DLGAP1: variants seen among roughly 807,000 people sequenced by gnomAD.
DLGAP1 encodes the protein DLG associated protein 1.
A neutral mutation model predicts 90.8 loss-of-function variants in DLGAP1; 11 were observed. That is an observed-to-expected ratio of 0.12 (90% confidence interval 0.08 to 0.20). DLGAP1 has a LOEUF of 0.20. DLGAP1 is among the 10% of genes least tolerant of loss of function. The pLI is 1.00. For synonymous variants in DLGAP1, 558 were observed against 540.7 expected, an observed-to-expected ratio of 1.03 and a Z score of -0.44; for missense variants, 1,050 against 1,333.8, an observed-to-expected ratio of 0.79 and a Z score of 3.31.
At chr18:4,171,193 T>C (rs2144585937) in intron 1 of DLGAP1, among the ~76,000 whole-genome samples, 1 of 152,274 alleles carries the variant, frequency 6.6e-6, no homozygotes, top group South Asian at 2.1e-4. Flanking sequence ...CAATGTTAAA[T>C]GGTGGTTTCT....
At chr18:4,271,951 G>GA (rs1477458181) in intron 1 of DLGAP1, among the ~76,000 whole-genome samples, 1 of 152,138 alleles carries the variant, frequency 6.6e-6, no homozygotes, top group East Asian at 1.9e-4. Context: ...GAGAACACAG[G>GA]AATGGCTCTT....
At chr18:4,020,860 A>T (rs1386848451) in intron 2 of DLGAP1, among the ~76,000 whole-genome samples, 1 of 152,196 alleles carries the variant, frequency 6.6e-6, no homozygotes, top group Non-Finnish European at 1.5e-5. Flanking sequence ...GCTCCTGGGA[A>T]TAACATTACT....
intron 3 of DLGAP1, chr18:3,995,432 T>G (rs1380127031): frequency 2.6e-5 from 4 of 152,192 alleles, no homozygotes; most frequent in African/African-American, 9.7e-5. Flanking sequence ...CTTTTGTATC[T>G]TCTTCGGGAC....
intron 1 of DLGAP1, among the ~76,000 whole-genome samples, chr18:4,258,877 T>C (rs757179073): frequency 5.9e-5 from 9 of 152,058 alleles, no homozygotes; most frequent in Non-Finnish European, 1.0e-4. Context: ...TGTGGAACAA[T>C]AGGAACCAAG....
intron 4 of DLGAP1, among the ~76,000 whole-genome samples, chr18:3,867,814 C>CAAAGTACATGTTTTT (rs1477233304): frequency 6.6e-6 from 1 of 151,976 alleles, no homozygotes; most frequent in Non-Finnish European, 1.5e-5. Flanking sequence ...GTGTGAAAGT[C>CAAAGTACATGTTTTT]AAAGTACATG....
At chr18:4,313,059 A>G (rs559672527) in intron 1 of DLGAP1, among the ~76,000 whole-genome samples, 1 of 152,314 alleles carries the variant, frequency 6.6e-6, no homozygotes, top group South Asian at 2.1e-4. Flanking sequence ...CTCTCCTAAA[A>G]AATTATGCTT....
chr18:4,080,967 C>A (rs1456000252), intron 2 of DLGAP1, among the ~76,000 whole-genome samples: 1 of 151,452 alleles, frequency 6.6e-6, no homozygotes, highest in African/African-American at 2.4e-5. Flanking sequence ...TGGCTCACTG[C>A]AACCTCCGCC....
At chr18:4,197,209 G>GAAAAAAAAAGA (rs2077517682) in intron 1 of DLGAP1, among the ~76,000 whole-genome samples, 94 of 107,656 alleles carry the variant, frequency 8.7e-4, no homozygotes, top group Middle Eastern at 0.011. Context: ...AAAAAAAAAA[G>GAAAAAAAAAGA]AAAAAAAAAG....
At chr18:3,555,586 G>A (rs993778028) in intron 9 of DLGAP1, among the ~76,000 whole-genome samples, 8 of 152,134 alleles carry the variant, frequency 5.3e-5, no homozygotes, top group African/African-American at 1.7e-4. Context: ...CGAGGCGGGC[G>A]GATCATCTGA....
At chr18:4,096,259 A>G (rs1029339729) in intron 2 of DLGAP1, among the ~76,000 whole-genome samples, 6 of 152,136 alleles carry the variant, frequency 3.9e-5, no homozygotes, top group African/African-American at 1.4e-4. Flanking sequence ...TCCTGGCTTC[A>G]AGTGATCCTC....
At chr18:4,171,458 G>C (rs933722458) in intron 1 of DLGAP1, among the ~76,000 whole-genome samples, 3 of 151,908 alleles carry the variant, frequency 2.0e-5, no homozygotes, top group Non-Finnish European at 4.4e-5. Flanking sequence ...CCAGCTACTC[G>C]GGAGGCTGAG....
At chr18:3,926,419 TATACACACACAC>T (rs1200378876) in intron 3 of DLGAP1, among the ~76,000 whole-genome samples, 17 of 122,372 alleles carry the variant, frequency 1.4e-4, no homozygotes, top group Non-Finnish European at 1.8e-4. Context: ...TATATATATA[TATACACACACAC>T]ACACACACAC....
At chr18:3,739,198 C>G (rs1232726100) in intron 6 of DLGAP1, among the ~76,000 whole-genome samples, 2 of 147,036 alleles carry the variant, frequency 1.4e-5, no homozygotes, top group African/African-American at 2.6e-5. Context: ...CTAGTTCAAC[C>G]ATTGTGGAAG....
chr18:3,657,467 T>C (rs1481217209), intron 7 of DLGAP1, among the ~76,000 whole-genome samples: 1 of 152,204 alleles, frequency 6.6e-6, no homozygotes. Context: ...GGAGGAAGTA[T>C]GCATATACAT....
chr18:4,279,868 A>G (rs2079509692), intron 1 of DLGAP1, among the ~76,000 whole-genome samples: 1 of 152,150 alleles, frequency 6.6e-6, no homozygotes, highest in Non-Finnish European at 1.5e-5. Flanking sequence ...TATTGATGTT[A>G]TTTCATCTTA....
At chr18:4,229,515 CA>C (rs2078257868) in intron 1 of DLGAP1, among the ~76,000 whole-genome samples, 2 of 151,852 alleles carry the variant, frequency 1.3e-5, no homozygotes, top group South Asian at 4.1e-4. Flanking sequence ...GACCTAGAAA[CA>C]AATTCATACA....
intron 1 of DLGAP1, among the ~76,000 whole-genome samples, chr18:4,304,862 C>T (rs568738916): frequency 2.0e-5 from 3 of 150,862 alleles, no homozygotes; most frequent in South Asian, 2.1e-4. Context: ...ACCCAGGAGG[C>T]GGAGGTTGCA....
intron 7 of DLGAP1, among the ~76,000 whole-genome samples, chr18:3,676,983 T>A (rs1455592605): frequency 6.6e-6 from 1 of 152,178 alleles, no homozygotes; most frequent in African/African-American, 2.4e-5. Context: ...TTTAAACTCT[T>A]ATTTTGAGGC....
chr18:3,938,858 G>A (rs1373844668), intron 3 of DLGAP1, among the ~76,000 whole-genome samples: 1 of 152,156 alleles, frequency 6.6e-6, no homozygotes, highest in African/African-American at 2.4e-5. Context: ...GGACAAGACT[G>A]GAAACAAAGA....
Sources: allele counts gnomAD v4.1 joint callset (sites outside exome capture counted in the v4.1 genomes callset), GRCh38; gene constraint gnomAD v4.1.1; transcripts MANE v1.5; gene names NCBI Gene and HGNC (gene_info 2026-07-23, HGNC 2026-07-21).